SYBU: variants seen among roughly 807,000 people sequenced by gnomAD.
The protein encoded by SYBU is syntabulin, also known as GOLSYN A protein.
Under a neutral mutation model 35.9 loss-of-function variants are expected in SYBU, and 21 were observed. That is an observed-to-expected ratio of 0.58 (90% CI 0.41 to 0.84). The LOEUF (loss-of-function observed/expected upper bound fraction) is 0.84, where lower values mean the gene tolerates loss of function less well. Among genes scored for constraint, SYBU ranks in the 40% least tolerant of loss-of-function variants. The pLI, the probability that SYBU is intolerant of heterozygous loss-of-function variation, is 0.00. For synonymous variants in SYBU, 319 were observed against 324.3 expected, an observed-to-expected ratio of 0.98 and a Z score of 0.18; for missense variants, 768 against 848.2, an observed-to-expected ratio of 0.91 and a Z score of 1.17.
intron 2 of SYBU, among the ~76,000 whole-genome samples, chr8:109,622,231 T>C (rs902558040): frequency 4.1e-5 from 6 of 147,744 alleles, no homozygotes; most frequent in Admixed American, 2.0e-4. Context: ...CTATCATCTA[T>C]CTATCTATCT....
intron 5 of SYBU, among the ~76,000 whole-genome samples, chr8:109,579,333 C>T (rs938574868): frequency 2.6e-5 from 4 of 152,182 alleles, no homozygotes; most frequent in Admixed American, 2.6e-4. Flanking sequence ...AGGGAGGCCA[C>T]CCCTGATCGC....
chr8:109,658,971 A>C lies in SYBU; in HGVS notation c.-129+21740T>G, dbSNP rs1423669985. Among the ~76,000 whole-genome samples, 6 of 152,202 alleles carry C rather than the reference A, an allele frequency of 3.9e-5. 1 individual carries two copies. Among genetic ancestry groups the C allele is most frequent in the South Asian group, 2.1e-4 (1 of 4,822 alleles). Reference sequence around the variant, plus strand: ...ACTCTGCCTAAAAAAAAAAAGAAAGAAAGCAACAACAACAAAAAAAACCTT... The same window carrying C: ...ACTCTGCCTAAAAAAAAAAAGAAAGCAAGCAACAACAACAAAAAAAACCTT... On this transcript the variant is annotated intron_variant, in intron 1 of 5. Coordinates refer to the SYBU transcript ENST00000408889.
chr8:109,618,050 C>T (rs1812008390), intron 3 of SYBU, among the ~76,000 whole-genome samples: 1 of 152,208 alleles, frequency 6.6e-6, no homozygotes, highest in Non-Finnish European at 1.5e-5. Flanking sequence ...AACAAGGACT[C>T]ATGCAAGCCA....
At chr8:109,635,130 T>C (rs1331212191) in intron 2 of SYBU, among the ~76,000 whole-genome samples, 1 of 152,228 alleles carries the variant, frequency 6.6e-6, no homozygotes, top group African/African-American at 2.4e-5. Flanking sequence ...TGATGAGAGG[T>C]TGATACATCC....
chr8:109,680,022 T>A (rs888220806), intron 1 of SYBU, among the ~76,000 whole-genome samples: 2 of 152,228 alleles, frequency 1.3e-5, no homozygotes, highest in African/African-American at 4.8e-5. Flanking sequence ...AGAGCAGATA[T>A]GGCACTTCAA....
intron 3 of SYBU, among the ~76,000 whole-genome samples, chr8:109,615,871 G>A (rs1286321806): frequency 6.6e-6 from 1 of 151,912 alleles, no homozygotes; most frequent in African/African-American, 2.4e-5. Flanking sequence ...TGGAGTATGG[G>A]TCCATAGTTT....
chr8:109,656,808 T>TGCTATATG (rs1411326093), intron 1 of SYBU, among the ~76,000 whole-genome samples: 1 of 152,188 alleles, frequency 6.6e-6, no homozygotes, highest in African/African-American at 2.4e-5. Flanking sequence ...ATGTTTGAAC[T>TGCTATATG]GCTATATGGC....
chr8:109,613,142 C>T (rs190674314), intron 3 of SYBU, among the ~76,000 whole-genome samples: 75 of 152,254 alleles, frequency 4.9e-4, no homozygotes, highest in African/African-American at 1.5e-3. Context: ...CCTGTCTGTC[C>T]TCCTAGAGCA....
chr8:109,612,774 GT>G (rs1811319232), intron 3 of SYBU, among the ~76,000 whole-genome samples: 1 of 152,204 alleles, frequency 6.6e-6, no homozygotes, highest in Non-Finnish European at 1.5e-5. Context: ...GAGGTCTGGA[GT>G]TTGAGACCAG....
chr8:109,677,900 C>T (rs3134329), intron 1 of SYBU, among the ~76,000 whole-genome samples: 19,385 of 151,756 alleles, frequency 0.13, 1,482 homozygotes, highest in East Asian at 0.42. Flanking sequence ...TTTGGCAGGG[C>T]GAGGTGGGTG....
Position 109,630,279 on chromosome 8 carries a change from G to C in SYBU, c.230-11240C>G, listed in dbSNP as rs376967119. Among the ~76,000 whole-genome samples, 58 of 121,804 alleles carry C rather than the reference G, an allele frequency of 4.8e-4. 1 individual carries two copies. The East Asian group carries it at 0.011, about 24-fold the overall frequency. The allele number at this position is 121,804 out of a possible 152,430, so 79.9% of individuals were successfully genotyped here. ...CACACTCTGGGGACTGTCGTGGGGT[G>C]GGGGGAGGGGGGAGGGATAGCATTG... On this transcript the variant is annotated intron_variant, in intron 2 of 6. Transcript: ENST00000276646.
intron 1 of SYBU, among the ~76,000 whole-genome samples, chr8:109,675,517 C>T (rs1269706507): frequency 6.6e-6 from 1 of 152,182 alleles, no homozygotes; most frequent in African/African-American, 2.4e-5. Context: ...CACCTCTACA[C>T]ATATAAACTA....
chr8:109,616,419 G>C (rs1056014756), intron 3 of SYBU, among the ~76,000 whole-genome samples: 5 of 152,154 alleles, frequency 3.3e-5, no homozygotes, highest in African/African-American at 1.2e-4. Context: ...GAATTGCTCA[G>C]TGTGAATTCT....
intron 1 of SYBU, among the ~76,000 whole-genome samples, chr8:109,674,268 T>G (rs1254557010): frequency 6.6e-6 from 1 of 150,954 alleles, no homozygotes; most frequent in Non-Finnish European, 1.5e-5. Flanking sequence ...AAAAAAAATT[T>G]TAAGGGCAGC....
chr8:109,671,854 T>C (rs932141640), intron 1 of SYBU, among the ~76,000 whole-genome samples: 1 of 152,182 alleles, frequency 6.6e-6, no homozygotes, highest in East Asian at 1.9e-4. Flanking sequence ...AAATGAGTTA[T>C]TAGTGTAAAC....
chr8:109,668,668 A>C (rs962280745), intron 1 of SYBU, among the ~76,000 whole-genome samples: 2 of 152,200 alleles, frequency 1.3e-5, no homozygotes, highest in African/African-American at 4.8e-5. Context: ...AAATAGCAAA[A>C]TAGTATCCTG....
At chr8:109,671,030 T>C (rs974061884) in intron 1 of SYBU, among the ~76,000 whole-genome samples, 1 of 152,204 alleles carries the variant, frequency 6.6e-6, no homozygotes, top group African/African-American at 2.4e-5. Context: ...GCTCTCAAAT[T>C]ATGTATCTTC....
At chr8:109,664,969 T>C (rs1348551222) in intron 1 of SYBU, among the ~76,000 whole-genome samples, 1 of 152,190 alleles carries the variant, frequency 6.6e-6, no homozygotes, top group African/African-American at 2.4e-5. Flanking sequence ...ATATTCTAAT[T>C]TCCCTTCATT....
upstream of SYBU, among the ~76,000 whole-genome samples, chr8:109,681,669 G>A (rs140260093): frequency 3.3e-5 from 5 of 152,108 alleles, no homozygotes; most frequent in East Asian, 3.9e-4. Context: ...TGGAGCAAAC[G>A]ATCACACATT....
Sources: gnomAD v4.1 joint callset for allele counts (sites outside exome capture counted in the v4.1 genomes callset) on GRCh38, gnomAD v4.1.1 for gene constraint, MANE v1.5 for transcripts, NCBI Gene and HGNC (gene_info 2026-07-23, HGNC 2026-07-21) for gene names.